Variants in OSBPL10 observed in about 807,000 individuals in gnomAD.
OSBPL10 encodes the protein oxysterol binding protein like 10.
A neutral mutation model predicts 81.7 loss-of-function variants in OSBPL10; 49 were observed. The ratio of observed to expected loss-of-function variants is 0.60; its 90% CI spans 0.48 to 0.76. The LOEUF is 0.76. Among genes scored for constraint, OSBPL10 ranks in the 30% least tolerant of loss-of-function variants. The pLI, the probability that OSBPL10 is intolerant of heterozygous loss-of-function variation, is 0.00. For missense variants in OSBPL10, 923 were observed against 987.8 expected (o/e 0.93, Z 0.88); for synonymous variants, 419 against 383.6 (o/e 1.09, Z -1.08).
intron 6 of OSBPL10, among the ~76,000 whole-genome samples, chr3:31,724,599 AGAG>A (rs1309713017): frequency 7.1e-6 from 1 of 141,354 alleles, no homozygotes; most frequent in Admixed American, 7.4e-5. Flanking sequence ...AAAAAGGAAG[AGAG>A]GAGGAGAAAA....
At chr3:31,679,232 C>T (rs1700574126) in intron 8 of OSBPL10, among the ~76,000 whole-genome samples, 1 of 152,132 alleles carries the variant, frequency 6.6e-6, no homozygotes, top group South Asian at 2.1e-4. Flanking sequence ...TGCTGAGGTC[C>T]ACATTATTGA....
chr3:31,785,623 A>G (rs1281001685), intron 4 of OSBPL10, among the ~76,000 whole-genome samples: 1 of 151,386 alleles, frequency 6.6e-6, no homozygotes, highest in African/African-American at 2.4e-5. Context: ...CAAACCACCG[A>G]CCTCTCTGAG....
At chr3:31,938,557 G>A (rs998002555) in intron 1 of OSBPL10, among the ~76,000 whole-genome samples, 1 of 152,134 alleles carries the variant, frequency 6.6e-6, no homozygotes, top group Non-Finnish European at 1.5e-5. Flanking sequence ...CGCCCAGGCT[G>A]GAGTGCAGTG....
intron 1 of OSBPL10, among the ~76,000 whole-genome samples, chr3:31,928,762 C>CAA (rs58345341): frequency 0.017 from 1,656 of 95,002 alleles, 45 homozygotes; most frequent in African/African-American, 0.05. Context: ...GACTTGTCTC[C>CAA]AAAAAAAAAA....
intron 1 of OSBPL10, among the ~76,000 whole-genome samples, chr3:31,908,532 C>T (rs1016991259): frequency 6.6e-6 from 1 of 152,168 alleles, no homozygotes; most frequent in African/African-American, 2.4e-5. Context: ...GGCAAGATGG[C>T]CAGCCCAGGA....
chr3:31,875,881 C>T (rs1168432565), intron 3 of OSBPL10, among the ~76,000 whole-genome samples: 1 of 151,974 alleles, frequency 6.6e-6, no homozygotes, highest in Admixed American at 6.6e-5. Flanking sequence ...GAATGTAAAT[C>T]CTCCACAATA....
At chr3:32,045,794 G>A (rs1699615871) in intron 2 of OSBPL10, 1 of 152,218 alleles carries the variant, frequency 6.6e-6, no homozygotes, top group Admixed American at 6.5e-5. Context: ...GATTTGTATG[G>A]GTGTGTACCA....
rs149492786 is a variant in OSBPL10 at position 31,910,790 on chromosome 3, G to A, written c.282-30960C>T. On this transcript the variant is annotated intron_variant, in intron 1 of 11. Coordinates refer to ENST00000396556, the MANE Select transcript of OSBPL10 (RefSeq NM_017784.5). ...AGAGTAAAATTTAACAAATGGCGCC[G>A]CTTCCTTTAACCAAATCCATGAGTC... is the stretch of plus-strand genomic sequence containing the variant. Among the ~76,000 whole-genome samples, 724 of 152,128 alleles carry A rather than the reference G, an allele frequency of 4.8e-3. 3 individuals are homozygous for A. Among genetic ancestry groups the A allele is most frequent in the African/African-American group, 0.017 (688 of 41,504 alleles).
intron 5 of OSBPL10, among the ~76,000 whole-genome samples, chr3:31,737,678 T>C (rs568720427): frequency 4.2e-4 from 64 of 152,046 alleles, no homozygotes; most frequent in Admixed American, 9.2e-4. Flanking sequence ...AAGACACAGA[T>C]GACAATCATG....
At chr3:31,926,643 G>A (rs939545799) in intron 1 of OSBPL10, among the ~76,000 whole-genome samples, 11 of 152,162 alleles carry the variant, frequency 7.2e-5, no homozygotes, top group South Asian at 6.2e-4. Flanking sequence ...AATGGCACAG[G>A]CTTGCTGTGG....
intron 4 of OSBPL10, among the ~76,000 whole-genome samples, chr3:31,753,435 G>A (rs746489447): frequency 3.3e-5 from 5 of 151,896 alleles, no homozygotes; most frequent in African/African-American, 9.7e-5. Flanking sequence ...TCTGCCCGCC[G>A]CAGCCTCACA....
chr3:31,951,116 CCGTTCACAGAGGA>C (rs1228836601), intron 1 of OSBPL10, among the ~76,000 whole-genome samples: 2 of 152,132 alleles, frequency 1.3e-5, no homozygotes, highest in Non-Finnish European at 2.9e-5. Flanking sequence ...AGCAGTAACA[CCGTTCACAGAGGA>C]AGAAATGGTG....
At chr3:31,869,716 T>C (rs1701272337) in intron 3 of OSBPL10, among the ~76,000 whole-genome samples, 1 of 152,198 alleles carries the variant, frequency 6.6e-6, no homozygotes, top group South Asian at 2.1e-4. Context: ...TTGTCCCAGC[T>C]TAGTCACTTA....
chr3:31,923,090 T>C (rs1465047689), intron 1 of OSBPL10, among the ~76,000 whole-genome samples: 1 of 152,182 alleles, frequency 6.6e-6, no homozygotes, highest in African/African-American at 2.4e-5. Context: ...GGACCATAAA[T>C]GACCAAACAG....
intron 1 of OSBPL10, among the ~76,000 whole-genome samples, chr3:31,922,959 T>C (rs540868677): frequency 2.6e-5 from 4 of 152,164 alleles, no homozygotes; most frequent in Admixed American, 2.0e-4. Flanking sequence ...TTTTAAGCAA[T>C]TGATTGTGAG....
intron 5 of OSBPL10, among the ~76,000 whole-genome samples, chr3:31,735,906 A>G (rs914369466): frequency 6.6e-6 from 1 of 152,240 alleles, no homozygotes; most frequent in Non-Finnish European, 1.5e-5. Flanking sequence ...CCTTGAGGAC[A>G]AGAACAATAC....
chr3:31,800,004 G>A (rs999551511), intron 4 of OSBPL10, among the ~76,000 whole-genome samples: 2 of 152,272 alleles, frequency 1.3e-5, no homozygotes, highest in Middle Eastern at 3.4e-3. Context: ...CACCACGCCC[G>A]GCCCCAAAGT....
chr3:31,856,290 A>G (rs1439038427), intron 3 of OSBPL10, among the ~76,000 whole-genome samples: 1 of 152,202 alleles, frequency 6.6e-6, no homozygotes, highest in Non-Finnish European at 1.5e-5. Context: ...TGTTTTAATA[A>G]AAGCTGTTCT....
chr3:31,913,695 A>G (rs1046725547), intron 1 of OSBPL10, among the ~76,000 whole-genome samples: 1 of 152,220 alleles, frequency 6.6e-6, no homozygotes, highest in Non-Finnish European at 1.5e-5. Context: ...ACCAAGGTGA[A>G]CACAACAAAA....
Sources: gnomAD v4.1 joint callset for allele counts (sites outside exome capture counted in the v4.1 genomes callset) on GRCh38, gnomAD v4.1.1 for gene constraint, MANE v1.5 for transcripts, NCBI Gene and HGNC (gene_info 2026-07-23, HGNC 2026-07-21) for gene names.